Variants in TARS3 observed in about 807,000 individuals in gnomAD.
TARS3 encodes the protein threonine--tRNA ligase 2, cytoplasmic.
Under a neutral mutation model 103.5 loss-of-function variants are expected in TARS3, and 94 were observed. The ratio of observed to expected loss-of-function variants is 0.91; its 90% CI spans 0.77 to 1.08. TARS3 has a LOEUF of 1.08. Among genes scored for constraint, TARS3 ranks in the 50% least tolerant of loss-of-function variants. TARS3 has a pLI of 0.00. For synonymous variants in TARS3, 416 were observed against 355.4 expected (o/e 1.17, Z -1.92); for missense variants, 952 against 995.2 (o/e 0.96, Z 0.58).
intron 6 of TARS3, among the ~76,000 whole-genome samples, chr15:101,708,154 A>C (rs1387200359): frequency 6.7e-6 from 1 of 149,284 alleles, no homozygotes; most frequent in Admixed American, 6.7e-5. Context: ...AGACACGAGA[A>C]TTGCTTGAAT....
intron 15 of TARS3, among the ~76,000 whole-genome samples, chr15:101,663,160 G>A (rs909771809): frequency 6.6e-6 from 1 of 152,150 alleles, no homozygotes; most frequent in Non-Finnish European, 1.5e-5. Flanking sequence ...AGATATGATG[G>A]TGGTCCCACG....
At chr15:101,657,738 A>G (rs1897241137) in intron 17 of TARS3, 47 bp downstream of exon 17, 4 of 1,313,986 alleles carry the variant, frequency 3.0e-6, no homozygotes, top group Non-Finnish European at 4.3e-6. Flanking sequence ...TGACCTACAC[A>G]GAATACATGC....
At position 101,674,889 on chromosome 15, in the gene TARS3, T is replaced by C. The variant is rs576811027; in HGVS notation, c.1788+711A>G. Among the ~76,000 whole-genome samples the C allele has an allele frequency of 2.2e-4, 33 of 152,230 alleles. 1 individual carries two copies. The highest frequency in any genetic ancestry group is 1.4e-3 in the East Asian group (7 of 5,178). On this transcript the variant is annotated intron_variant, in intron 13 of 18. Transcript: ENST00000335968. Reference sequence around the variant, plus strand: ...GAACAGATACGTGTCCTTAACCTGATTGCCATCAATTTGGTACCATCCAGG... The same window carrying C: ...GAACAGATACGTGTCCTTAACCTGACTGCCATCAATTTGGTACCATCCAGG...
At chr15:101,686,344 A>T (rs1041973006) in intron 10 of TARS3, among the ~76,000 whole-genome samples, 1 of 152,226 alleles carries the variant, frequency 6.6e-6, no homozygotes, top group African/African-American at 2.4e-5. Flanking sequence ...TACAATATAT[A>T]TAGAAACTCA....
chr15:101,712,047 A>T, intron 4 of TARS3, 46 bp from the exon 5 acceptor site: 1 of 1,569,350 alleles, frequency 6.4e-7, no homozygotes, highest in Non-Finnish European at 8.6e-7. Flanking sequence ...AAAGTATGTC[A>T]TGGAAAATTA....
intron 15 of TARS3, among the ~76,000 whole-genome samples, chr15:101,665,625 C>G (rs1261868326): frequency 6.6e-6 from 1 of 151,882 alleles, no homozygotes; most frequent in Non-Finnish European, 1.5e-5. Flanking sequence ...GGAAAGCTCT[C>G]ATGTAATGTT....
At chr15:101,655,844 C>T in intron 18 of TARS3, 1 of 1,264,988 alleles carries the variant, frequency 7.9e-7, no homozygotes, top group South Asian at 1.3e-5. Context: ...CTTACAGGCT[C>T]ACGCTGACTC....
chr15:101,715,542 T>C (rs1900111994), intron 3 of TARS3, among the ~76,000 whole-genome samples: 1 of 152,224 alleles, frequency 6.6e-6, no homozygotes, highest in Non-Finnish European at 1.5e-5. Context: ...TTATAACATT[T>C]TGGTACATTT....
intron 4 of TARS3, 27 bp from the exon 5 acceptor site, chr15:101,712,028 T>C: frequency 6.3e-7 from 1 of 1,591,346 alleles, no homozygotes; most frequent in African/African-American, 1.4e-5. Flanking sequence ...AAGAGGCCAT[T>C]AGCTACCAAA....
intron 2 of TARS3, among the ~76,000 whole-genome samples, 172 bp from the exon 3 acceptor site, chr15:101,721,494 T>C (rs1441792070): frequency 6.6e-6 from 1 of 152,160 alleles, no homozygotes; most frequent in African/African-American, 2.4e-5. Flanking sequence ...TGGTTTGTTG[T>C]TGTTGTTGCT....
intron 11 of TARS3, 111 bp from the exon 12 acceptor site, chr15:101,684,348 T>C: frequency 9.1e-7 from 1 of 1,095,134 alleles, no homozygotes; most frequent in Non-Finnish European, 1.2e-6. Flanking sequence ...CTCCTTATTC[T>C]AGTTCTTAGA....
At chr15:101,718,175 CCTGA>C (rs1296207736) in intron 3 of TARS3, among the ~76,000 whole-genome samples, 10 of 152,064 alleles carry the variant, frequency 6.6e-5, no homozygotes, top group African/African-American at 9.7e-5. Flanking sequence ...TCGAGACCAG[CCTGA>C]CTAACATGGA....
rs530910576 is a variant in TARS3 at position 101,676,886 on chromosome 15, C to T, written c.1651-1149G>A. On this transcript the variant is annotated intron_variant, in intron 12 of 18. Coordinates refer to ENST00000335968, the MANE Select transcript of TARS3 (RefSeq NM_152334.3). ...GGTATATGTGTGCCATGGTGGTTTGCTCCACCTATGAACCCGTCACCTAAG... is the reference window on the plus strand; with the variant it reads ...GGTATATGTGTGCCATGGTGGTTTGTTCCACCTATGAACCCGTCACCTAAG... Among the ~76,000 whole-genome samples the T allele has an allele frequency of 5.3e-5, 8 of 151,272 alleles. No individual in the cohort carries two copies. The South Asian group carries it at 1.5e-3, about 28-fold the overall frequency.
At position 101,715,162 on chromosome 15, in the gene TARS3, T is replaced by G. The variant is rs1251001382; in HGVS notation, c.567-199A>C. On this transcript the variant is annotated intron_variant, in intron 3 of 18. Coordinates refer to ENST00000335968, the MANE Select transcript of TARS3 (RefSeq NM_152334.3). ...TATACATTCACTGTTTTTTTTTTTTTTTGAGACGGAGTCTCGCTCTGTCGC... is the reference window on the plus strand; with the variant it reads ...TATACATTCACTGTTTTTTTTTTTTGTTGAGACGGAGTCTCGCTCTGTCGC... 5.9e-5 allele frequency among the ~76,000 whole-genome samples: 9 copies of G among 151,702 alleles called. No homozygotes were observed. The East Asian group carries it at 9.6e-4, about 16-fold the overall frequency.
intron 13 of TARS3, 130 bp from the exon 14 acceptor site, chr15:101,671,878 T>A: frequency 1.3e-6 from 1 of 742,602 alleles, no homozygotes; most frequent in Non-Finnish European, 2.2e-6. Context: ...GAGCATCTTT[T>A]ACATTCAATA....
intron 15 of TARS3, among the ~76,000 whole-genome samples, chr15:101,665,937 A>G (rs544623757): frequency 6.6e-6 from 1 of 152,354 alleles, no homozygotes; most frequent in African/African-American, 2.4e-5. Context: ...AGATGAGAAC[A>G]AGACTTGAAA....
At chr15:101,668,631 TA>T (rs1014403775) in intron 15 of TARS3, among the ~76,000 whole-genome samples, 1 of 152,166 alleles carries the variant, frequency 6.6e-6, no homozygotes, top group Admixed American at 6.5e-5. Context: ...CTTCAGTTTA[TA>T]AAAAATGCAA....
chr15:101,686,841 T>C (rs897882694), intron 10 of TARS3, among the ~76,000 whole-genome samples: 1 of 151,650 alleles, frequency 6.6e-6, no homozygotes. Context: ...TGAGAATCCT[T>C]AGATTCTCAA....
At chr15:101,706,292 A>T (rs1212611735) in intron 6 of TARS3, among the ~76,000 whole-genome samples, 2 of 152,142 alleles carry the variant, frequency 1.3e-5, no homozygotes, top group East Asian at 3.8e-4. Context: ...CTGGCCTCAA[A>T]TGCCACTAAT....
Sources: gnomAD v4.1 joint callset for allele counts (sites outside exome capture counted in the v4.1 genomes callset) on GRCh38, gnomAD v4.1.1 for gene constraint, MANE v1.5 for transcripts, NCBI Gene and HGNC (gene_info 2026-07-23, HGNC 2026-07-21) for gene names.